The following VPS13B variants were observed in gnomAD, a reference collection of about 807,000 sequenced individuals.
The protein encoded by VPS13B is vacuolar protein sorting 13 homolog B.
A neutral mutation model predicts 426.4 loss-of-function variants in VPS13B; 285 were observed. The observed-to-expected ratio is 0.67, with a 90% CI of 0.61 to 0.74. VPS13B has a LOEUF of 0.74. Among genes scored for constraint, VPS13B ranks in the 30% least tolerant of loss-of-function variants. The pLI is 0.00. For synonymous variants in VPS13B, 1,676 were observed against 1,676.4 expected, an observed-to-expected ratio of 1.00 and a Z score of 0.01; for missense variants, 4,537 against 4,782.6, an observed-to-expected ratio of 0.95 and a Z score of 1.51.
At chr8:99,129,631 G>T (rs1809648664) in intron 8 of VPS13B, among the ~76,000 whole-genome samples, 1 of 150,978 alleles carries the variant, frequency 6.6e-6, no homozygotes, top group African/African-American at 2.4e-5. Flanking sequence ...TATATTGTCA[G>T]TTTTAGATTG....
intron 12 of VPS13B, among the ~76,000 whole-genome samples, chr8:99,138,864 G>C (rs1810228915): frequency 6.6e-6 from 1 of 152,140 alleles, no homozygotes. Context: ...GGTGAAGTAT[G>C]TAGTAGTTAC....
chr8:99,118,306 C>A (rs908935521), intron 7 of VPS13B, among the ~76,000 whole-genome samples: 1 of 152,128 alleles, frequency 6.6e-6, no homozygotes. Context: ...GTTTTTGATG[C>A]CTTTCAAATT....
chr8:99,309,423 A>G (rs867485320), intron 19 of VPS13B, among the ~76,000 whole-genome samples: 23 of 152,278 alleles, frequency 1.5e-4, no homozygotes, highest in African/African-American at 4.8e-4. Context: ...TCCCACCACC[A>G]TTTATTAAAT....
At chr8:99,779,275 T>G (rs1381330053) in intron 42 of VPS13B, among the ~76,000 whole-genome samples, 5 of 152,216 alleles carry the variant, frequency 3.3e-5, no homozygotes, top group Non-Finnish European at 5.9e-5. Flanking sequence ...TTTTTGTGAC[T>G]AATGCACCAC....
intron 21 of VPS13B, among the ~76,000 whole-genome samples, chr8:99,427,759 C>T (rs1588366286): frequency 6.6e-6 from 1 of 151,708 alleles, no homozygotes; most frequent in Non-Finnish European, 1.5e-5. Flanking sequence ...CTACCAATGA[C>T]TTTCTTCACA....
chr8:99,683,405 A>AT (rs1831238057), intron 35 of VPS13B, among the ~76,000 whole-genome samples: 1 of 149,518 alleles, frequency 6.7e-6, no homozygotes, highest in African/African-American at 2.5e-5. Context: ...GGATTATTGG[A>AT]ATTCTGTGAA....
intron 21 of VPS13B, among the ~76,000 whole-genome samples, chr8:99,402,953 C>A (rs536768525): frequency 6.6e-6 from 1 of 152,154 alleles, no homozygotes; most frequent in Non-Finnish European, 1.5e-5. Flanking sequence ...TCTTTACTAG[C>A]GAATAAACAT....
chr8:99,360,118 TTATCTTTCTTTC>T (rs1247937034), intron 19 of VPS13B, among the ~76,000 whole-genome samples: 1,325 of 123,114 alleles, frequency 0.011, 69 homozygotes, highest in African/African-American at 0.033. Flanking sequence ...TTTTTTTTCC[TTATCTTTCTTTC>T]TTTCTTTCTT....
chr8:99,705,835 TG>T (rs750095233), intron 36 of VPS13B, among the ~76,000 whole-genome samples: 2 of 152,114 alleles, frequency 1.3e-5, no homozygotes, highest in Non-Finnish European at 2.9e-5. Context: ...AGATATCCAC[TG>T]GGTTGAGTTT....
chr8:99,216,936 T>C (rs767891914), intron 17 of VPS13B, among the ~76,000 whole-genome samples: 2 of 152,234 alleles, frequency 1.3e-5, no homozygotes, highest in Non-Finnish European at 2.9e-5. Flanking sequence ...TTTACCTTAG[T>C]GTGTGGTCCT....
chr8:99,421,873 G>A (rs969438520), intron 21 of VPS13B, among the ~76,000 whole-genome samples: 1 of 151,964 alleles, frequency 6.6e-6, no homozygotes, highest in Admixed American at 6.6e-5. Flanking sequence ...GTAGAGACAA[G>A]GTTTTACCAT....
intron 3 of VPS13B, among the ~76,000 whole-genome samples, chr8:99,060,008 T>C (rs1160994719): frequency 6.6e-6 from 1 of 152,164 alleles, no homozygotes; most frequent in Non-Finnish European, 1.5e-5. Flanking sequence ...AGTGCTGGGA[T>C]TATAGGCGTG....
intron 3 of VPS13B, among the ~76,000 whole-genome samples, chr8:99,073,136 T>C (rs901592299): frequency 5.3e-5 from 8 of 152,152 alleles, no homozygotes; most frequent in African/African-American, 1.9e-4. Flanking sequence ...CCTGTGGCCA[T>C]CACAGCTGGG....
In VPS13B at chr8:99,818,512, A is replaced by G. The variant is rs368357351; in HGVS notation, c.8423A>G (p.Asn2808Ser). The G allele has an allele frequency of 8.3e-5, 134 of 1,613,810 alleles. No individual in the cohort carries two copies. The highest frequency in any genetic ancestry group is 1.1e-4 in the Non-Finnish European group (129 of 1,179,942). ...VWCTVLTLEP[N>S]SQVQQRMIVF... ...TGCACAGTTTTGACTTTAGAACCCA[A>G]CTCTCAAGTGCAACAACGAATGGTG... The change falls in exon 46 of 62, where the codon AAC becomes AGC. Residue 2808 changes from asparagine (N) to serine (S), a missense_variant. Asn to Ser is a conservative substitution (Grantham distance 46, BLOSUM62 1). Transcript: ENST00000357162.
At chr8:99,864,135 A>G (rs1301391977) in intron 58 of VPS13B, among the ~76,000 whole-genome samples, 2 of 152,218 alleles carry the variant, frequency 1.3e-5, no homozygotes, top group African/African-American at 2.4e-5. Flanking sequence ...AGCAAACTGA[A>G]ATCTCCTCAC....
At chr8:99,683,362 TC>T (rs1216205555) in intron 35 of VPS13B, among the ~76,000 whole-genome samples, 1 of 151,764 alleles carries the variant, frequency 6.6e-6, no homozygotes, top group Non-Finnish European at 1.5e-5. Context: ...AATTTTAGAA[TC>T]AGCTTTTCTA....
At chr8:99,604,934 G>T (rs532185378) in intron 33 of VPS13B, among the ~76,000 whole-genome samples, 1 of 152,126 alleles carries the variant, frequency 6.6e-6, no homozygotes, top group Non-Finnish European at 1.5e-5. Context: ...TATAGGATAC[G>T]TGTTATAAAT....
chr8:99,360,156 T>C (rs540179048), intron 19 of VPS13B, among the ~76,000 whole-genome samples: 6 of 36,236 alleles, frequency 1.7e-4, no homozygotes, highest in African/African-American at 6.8e-4. Flanking sequence ...CTTTCTTTCT[T>C]TCTTTCTTTC....
At chr8:99,450,427 T>G (rs1228993890) in intron 23 of VPS13B, among the ~76,000 whole-genome samples, 2 of 152,178 alleles carry the variant, frequency 1.3e-5, no homozygotes, top group Non-Finnish European at 2.9e-5. Context: ...ATTAAAAATT[T>G]CTTTTCTGCC....
Sources: gnomAD v4.1 joint callset for allele counts (sites outside exome capture counted in the v4.1 genomes callset) on GRCh38, gnomAD v4.1.1 for gene constraint, MANE v1.5 for transcripts, NCBI Gene and HGNC (gene_info 2026-07-23, HGNC 2026-07-21) for gene names.